The following ABI1 variants were observed in gnomAD, a reference collection of about 807,000 sequenced individuals.
ABI1 encodes Abelson interactor 1.
A neutral mutation model predicts 54.6 loss-of-function variants in ABI1; 14 were observed. That is an observed-to-expected ratio of 0.26 (90% CI 0.17 to 0.40). ABI1 has a LOEUF of 0.40. ABI1 is among the 10% of genes least tolerant of loss of function. The pLI is 1.00. For missense variants in ABI1, 443 were observed against 598.3 expected (o/e 0.74, Z 2.71); for synonymous variants, 194 against 209.3 (o/e 0.93, Z 0.63).
chr10:26,753,988 A>T (rs11015265), intron 9 of ABI1, among the ~76,000 whole-genome samples: 44,714 of 152,120 alleles, frequency 0.29, 6,900 homozygotes, highest in African/African-American at 0.36. Flanking sequence ...ACTGATGTTC[A>T]TTATGGCTAT....
At chr10:26,754,134 A>G (rs1230118801) in intron 9 of ABI1, among the ~76,000 whole-genome samples, 4 of 152,184 alleles carry the variant, frequency 2.6e-5, no homozygotes, top group Admixed American at 2.6e-4. Flanking sequence ...ATTCACATCT[A>G]TCTATCCATC....
intron 1 of ABI1, among the ~76,000 whole-genome samples, chr10:26,825,460 A>C (rs1007223570): frequency 9.9e-5 from 15 of 152,166 alleles, no homozygotes; most frequent in African/African-American, 3.6e-4. Flanking sequence ...CAGGAGTTCG[A>C]GATCAGCCTG....
intron 7 of ABI1, among the ~76,000 whole-genome samples, chr10:26,761,671 C>CAT (rs1190874612): frequency 8.3e-6 from 1 of 120,186 alleles, no homozygotes; most frequent in African/African-American, 3.3e-5. Context: ...TACACACACA[C>CAT]ATACACATAT....
chr10:26,817,256 TC>T (rs796126554), intron 2 of ABI1, among the ~76,000 whole-genome samples: 2 of 152,218 alleles, frequency 1.3e-5, no homozygotes, highest in African/African-American at 4.8e-5. Context: ...CACCTCAGCC[TC>T]CCAAAGTGCT....
intron 1 of ABI1, among the ~76,000 whole-genome samples, chr10:26,843,905 T>C (rs1483821297): frequency 6.6e-6 from 1 of 152,196 alleles, no homozygotes; most frequent in Non-Finnish European, 1.5e-5. Flanking sequence ...CTCATTTATC[T>C]TATATTTAAC....
chr10:26,755,735 A>G lies in ABI1; in HGVS notation c.1004T>C (p.Ile335Thr), dbSNP rs755452355. ...AGGCATAGGGGGAGGGGGTGGAGCA[A>G]TAGAAACTGGTAGCAACAACACAGT... is the stretch of plus-strand genomic sequence containing the variant. ...GPLYSQNSIS[I>T]APPPPPMPQL... The change falls in exon 9 of 11, where the codon ATT (isoleucine) becomes ACT (threonine). Residue 335 changes from isoleucine (I) to threonine (T), a missense_variant. Coordinates refer to ENST00000376140, the MANE Select transcript of ABI1 (RefSeq NM_001012750.3). 1.9e-6 allele frequency: 3 copies of G among 1,611,468 alleles called. No homozygotes were observed. The highest frequency in any genetic ancestry group is 2.5e-6 in the Non-Finnish European group (3 of 1,177,928).
chr10:26,779,378 T>C (rs1841830470), intron 2 of ABI1, among the ~76,000 whole-genome samples: 1 of 152,168 alleles, frequency 6.6e-6, no homozygotes, highest in African/African-American at 2.4e-5. Flanking sequence ...GCCTTGGTTA[T>C]TGTCAACACT....
At chr10:26,834,377 C>T (rs938982515) in intron 1 of ABI1, among the ~76,000 whole-genome samples, 2 of 152,042 alleles carry the variant, frequency 1.3e-5, no homozygotes, top group East Asian at 3.8e-4. Flanking sequence ...AAACAATCAA[C>T]AAAGTAAAAC....
intron 2 of ABI1, among the ~76,000 whole-genome samples, chr10:26,798,065 A>C (rs892344988): frequency 5.9e-5 from 9 of 152,200 alleles, no homozygotes; most frequent in Non-Finnish European, 1.2e-4. Context: ...AAGAGAGTAA[A>C]GAAAATCCAG....
intron 10 of ABI1, among the ~76,000 whole-genome samples, chr10:26,751,391 A>G (rs1837609774): frequency 6.8e-6 from 1 of 146,094 alleles, no homozygotes; most frequent in Admixed American, 7.0e-5. Context: ...CAAATCTAAC[A>G]CTGCAACTTT....
In ABI1 at chr10:26,853,075, G is replaced by A. The variant is rs139528580; in HGVS notation, c.117+7672C>T. Among the ~76,000 whole-genome samples, 23 of 152,102 alleles carry A rather than the reference G, an allele frequency of 1.5e-4. No homozygotes were observed. The East Asian group carries it at 4.1e-3, about 27-fold the overall frequency. ...TTGACACACAGTAGTCAAATCTCAAGTCTCCATTCTAAGGGATGGATATTT... is the reference window on the plus strand; with the variant it reads ...TTGACACACAGTAGTCAAATCTCAAATCTCCATTCTAAGGGATGGATATTT... On this transcript the variant is annotated intron_variant, in intron 1 of 10. Coordinates refer to ENST00000376140, the MANE Select transcript of ABI1 (RefSeq NM_001012750.3).
chr10:26,807,482 CA>C (rs113463415), intron 2 of ABI1, among the ~76,000 whole-genome samples: 4 of 147,526 alleles, frequency 2.7e-5, no homozygotes, highest in Non-Finnish European at 3.0e-5. Context: ...GACCCGGCCT[CA>C]AAAAAAAAAG....
intron 1 of ABI1, among the ~76,000 whole-genome samples, chr10:26,851,236 C>T (rs2050360202): frequency 6.6e-6 from 1 of 151,984 alleles, no homozygotes; most frequent in Non-Finnish European, 1.5e-5. Context: ...TTCACTGTTG[C>T]CCAGGCTGGA....
At chr10:26,857,430 C>G (rs2050915071) in intron 1 of ABI1, among the ~76,000 whole-genome samples, 2 of 150,558 alleles carry the variant, frequency 1.3e-5, no homozygotes, top group South Asian at 4.2e-4. Context: ...TGCTTGAGAC[C>G]AGGAGTTTGA....
intron 1 of ABI1, among the ~76,000 whole-genome samples, chr10:26,834,514 A>G (rs2048899878): frequency 6.6e-6 from 1 of 151,382 alleles, no homozygotes; most frequent in Non-Finnish European, 1.5e-5. Context: ...GAAAATGGCA[A>G]AAGATCTGGA....
At chr10:26,768,082 T>C (rs1417350440) in intron 6 of ABI1, among the ~76,000 whole-genome samples, 1 of 151,768 alleles carries the variant, frequency 6.6e-6, no homozygotes, top group African/African-American at 2.4e-5. Context: ...TATAACAACA[T>C]ATTCTAGTAT....
At chr10:26,766,767 T>C (rs915578216) in intron 6 of ABI1, among the ~76,000 whole-genome samples, 1 of 152,214 alleles carries the variant, frequency 6.6e-6, no homozygotes, top group African/African-American at 2.4e-5. Flanking sequence ...CATTGCCTGA[T>C]TTTTACTACC....
At position 26,823,293 on chromosome 10, in the gene ABI1, T is replaced by C; in HGVS notation, c.130A>G (p.Arg44Gly). Residue 44 changes from arginine to glycine, a missense_variant, in exon 2 of 11, where the codon AGA becomes GGA. Physicochemically the swap from Arg to Gly is moderately radical, Grantham distance 125. Transcript: ENST00000376140. ...GCTTTGGTCTCCTCTAAAGCTTTTC[T>C]CTTGTCTGTAGCCTGAAATAAGAAC... Reference protein sequence around the residue: ...ENNYIQATDKRKALEETKAYT... With the variant: ...ENNYIQATDKGKALEETKAYT... 1 of 1,534,088 alleles carries C rather than the reference T, an allele frequency of 6.5e-7. No individual in the cohort carries two copies. Among genetic ancestry groups the C allele is most frequent in the Non-Finnish European group, 8.7e-7 (1 of 1,151,222 alleles).
intron 2 of ABI1, among the ~76,000 whole-genome samples, chr10:26,797,037 C>T (rs1039968737): frequency 1.2e-4 from 19 of 152,206 alleles, no homozygotes; most frequent in East Asian, 7.7e-4. Flanking sequence ...TGACAAGCCA[C>T]GGACTAGTAC....
Sources: gnomAD v4.1 joint callset for allele counts (sites outside exome capture counted in the v4.1 genomes callset) on GRCh38, gnomAD v4.1.1 for gene constraint, MANE v1.5 for transcripts, NCBI Gene and HGNC (gene_info 2026-07-23, HGNC 2026-07-21) for gene names.